USP49: variants seen among roughly 807,000 people sequenced by gnomAD.
The protein encoded by USP49 is ubiquitin carboxyl-terminal hydrolase 49.
A neutral mutation model predicts 58.6 loss-of-function variants in USP49; 24 were observed. That is an observed-to-expected ratio of 0.41 (90% CI 0.30 to 0.58). USP49 has a LOEUF of 0.58. USP49 is among the 20% of genes least tolerant of loss of function. The pLI is 0.30. For synonymous variants in USP49, 408 were observed against 365.1 expected, an observed-to-expected ratio of 1.12 and a Z score of -1.34; for missense variants, 703 against 866.1, an observed-to-expected ratio of 0.81 and a Z score of 2.36.
intron 3 of USP49, chr6:41,868,663 CCTCA>C (rs775440068): frequency 3.9e-5 from 6 of 151,984 alleles, no homozygotes; most frequent in Non-Finnish European, 8.8e-5. Flanking sequence ...TCTAAAATAG[CCTCA>C]CTATCTATGG....
chr6:41,849,550 A>G (rs1429254118), intron 3 of USP49, among the ~76,000 whole-genome samples: 1 of 152,192 alleles, frequency 6.6e-6, no homozygotes, highest in African/African-American at 2.4e-5. Context: ...GTTAGGCCAC[A>G]AAACAAATCT....
At position 41,803,082 on chromosome 6, in the gene USP49, C is replaced by T. The variant is rs1461933326; in HGVS notation, c.1561+724G>A. ...GTACAAAAGCTTGCTTTTCTGATAT[C>T]GCACCCTTCAGAAAGGCTATACCAT... On this transcript the variant is annotated intron_variant, in intron 5 of 7. Transcript: ENST00000682992. This position sits in a 1 kb window ranked among gnomAD's most constrained non-coding sequence, Gnocchi z 4.1. Among the ~76,000 whole-genome samples the T allele has an allele frequency of 1.3e-5, 2 of 152,136 alleles. No homozygotes were observed. Among genetic ancestry groups the T allele is most frequent in the African/African-American group, 2.4e-5 (1 of 41,430 alleles).
At chr6:41,810,175 AAAAAT>A (rs1441713428) in intron 3 of USP49, among the ~76,000 whole-genome samples, 1 of 151,160 alleles carries the variant, frequency 6.6e-6, no homozygotes, top group Admixed American at 6.6e-5. Context: ...ATAAAAATAA[AAAAAT>A]AAAGAAAATA....
At chr6:41,820,256 G>C (rs1381165663) in intron 3 of USP49, among the ~76,000 whole-genome samples, 2 of 150,728 alleles carry the variant, frequency 1.3e-5, no homozygotes, top group Non-Finnish European at 3.0e-5. Context: ...TTTATAATTT[G>C]GTAAGTTTTA....
rs1242207408 is a variant in USP49 at position 41,791,502 on chromosome 6, G to A, written c.*5031C>T. 1.3e-5 allele frequency: 2 copies of A among 152,200 alleles called. No individual in the cohort carries two copies. The highest frequency in any genetic ancestry group is 1.3e-4 in the Admixed American group (2 of 15,284). The allele number at this position is 152,200 out of a possible 1,614,324, so 9.4% of individuals were successfully genotyped here. A position where few individuals can be genotyped will look rare whatever the true frequency, so the allele number is the denominator to read the frequency against. ...ATCTACAACTTTCAAAAATTGATGA[G>A]TAATCACTAATTCTGTAAATGAAGG... On this transcript the variant is annotated 3_prime_UTR_variant, in exon 8 of 8. Transcript: ENST00000682992.
rs541521548 is a variant in USP49, at chr6:41,804,157, A to C, written c.1357-147T>G. 2.0e-5 allele frequency: 14 copies of C among 693,560 alleles called. No individual in the cohort carries two copies. In the East Asian group the frequency reaches 3.9e-4, roughly 19 times the overall value. 43.0% of individuals were successfully genotyped at this position (693,560 alleles called of 1,614,324 possible). ...TATTAAAATAATAAACATAACTTTA[A>C]AAGAATTAGAGTATATTATTTCTGA... On this transcript the variant is annotated intron_variant, in intron 4 of 7. Transcript: ENST00000682992.
At chr6:41,866,935 T>C (rs1582030555) in intron 3 of USP49, among the ~76,000 whole-genome samples, 2 of 152,266 alleles carry the variant, frequency 1.3e-5, no homozygotes, top group South Asian at 4.1e-4. Flanking sequence ...TTGATCAATA[T>C]TCAGAAGAGA....
chr6:41,862,331 A>G (rs1272359139), intron 3 of USP49, among the ~76,000 whole-genome samples: 4 of 152,236 alleles, frequency 2.6e-5, no homozygotes, highest in African/African-American at 4.8e-5. Context: ...CTAATACTGG[A>G]GACTGATATA....
In USP49 at chr6:41,884,613, C is replaced by T. The variant is rs528538107; in HGVS notation, c.-103+7181G>A. ...AAGGCCTTTGTACACCAAAGCTATA[C>T]TGTAACCCAAATTATGGGAGTAGGA... On this transcript the variant is annotated intron_variant, in intron 2 of 7. Coordinates refer to ENST00000682992, the MANE Select transcript of USP49 (RefSeq NM_001286554.2). 3.9e-5 allele frequency among the ~76,000 whole-genome samples: 6 copies of T among 152,266 alleles called. No homozygotes were observed. In the South Asian group the frequency reaches 1.2e-3, roughly 32 times the overall value.
chr6:41,834,518 T>C (rs1052731955), intron 3 of USP49, among the ~76,000 whole-genome samples: 12 of 152,014 alleles, frequency 7.9e-5, no homozygotes, highest in African/African-American at 2.7e-4. Context: ...GTGTTGGAGG[T>C]GGGGCCTGGT....
rs537037159 is a variant in USP49, at chr6:41,890,734, C to T, written c.-103+1060G>A. On this transcript the variant is annotated intron_variant, in intron 2 of 7. Coordinates refer to ENST00000682992, the MANE Select transcript of USP49 (RefSeq NM_001286554.2). ...GAAATTGGTATATCACTTAGGCACACATAAAGAGAAAATACTAAAAAATTA... is the reference window on the plus strand; with the variant it reads ...GAAATTGGTATATCACTTAGGCACATATAAAGAGAAAATACTAAAAAATTA... Among the ~76,000 whole-genome samples the T allele has an allele frequency of 8.5e-4, 130 of 152,156 alleles. 1 individual carries two copies. The highest frequency in any genetic ancestry group is 3.0e-3 in the African/African-American group (125 of 41,510).
chr6:41,838,994 T>A (rs1268794583), intron 3 of USP49, among the ~76,000 whole-genome samples: 1 of 152,164 alleles, frequency 6.6e-6, no homozygotes, highest in Non-Finnish European at 1.5e-5. Context: ...GAAATCAAGA[T>A]GGAAATTTAA....
intron 3 of USP49, among the ~76,000 whole-genome samples, chr6:41,850,250 C>CT (rs1483490082): frequency 6.6e-6 from 1 of 151,902 alleles, no homozygotes; most frequent in African/African-American, 2.4e-5. Context: ...CAAGACCAGC[C>CT]TGGCCAACAT....
chr6:41,867,057 G>C (rs1774330475), intron 3 of USP49, among the ~76,000 whole-genome samples: 1 of 152,196 alleles, frequency 6.6e-6, no homozygotes, highest in Non-Finnish European at 1.5e-5. Flanking sequence ...TAGTGTACTT[G>C]TTGTTACTTT....
At chr6:41,884,225 A>ATG (rs1385657436) in intron 2 of USP49, among the ~76,000 whole-genome samples, 1 of 152,096 alleles carries the variant, frequency 6.6e-6, no homozygotes, top group East Asian at 1.9e-4. Context: ...GGGTTTCACC[A>ATG]TGCTGGCCAG....
intron 3 of USP49, among the ~76,000 whole-genome samples, chr6:41,820,199 T>C (rs1773430359): frequency 6.6e-6 from 1 of 152,016 alleles, no homozygotes; most frequent in Admixed American, 6.6e-5. Flanking sequence ...TTTTTTTAAG[T>C]TTTATTGAGG....
chr6:41,845,584 G>A (rs577216928), intron 3 of USP49, among the ~76,000 whole-genome samples: 11 of 152,058 alleles, frequency 7.2e-5, no homozygotes, highest in African/African-American at 2.7e-4. Flanking sequence ...CTACTTGGGA[G>A]GCAGAGTCAG....
chr6:41,875,155 T>C (rs561507534), intron 2 of USP49, among the ~76,000 whole-genome samples: 3 of 152,106 alleles, frequency 2.0e-5, no homozygotes, highest in South Asian at 4.1e-4. Context: ...TAAAAATACA[T>C]ATAAATATAC....
intron 3 of USP49, among the ~76,000 whole-genome samples, chr6:41,870,050 C>T (rs948021944): frequency 1.3e-5 from 2 of 152,086 alleles, no homozygotes; most frequent in Non-Finnish European, 2.9e-5. Flanking sequence ...CATGGTTAAC[C>T]GTATCTGAGA....
Sources: allele counts gnomAD v4.1 joint callset (sites outside exome capture counted in the v4.1 genomes callset), GRCh38; gene constraint gnomAD v4.1.1; non-coding constraint Gnocchi (gnomAD v3.1); transcripts MANE v1.5; gene names NCBI Gene and HGNC (gene_info 2026-07-23, HGNC 2026-07-21).